GAB2: variants seen among roughly 807,000 people sequenced by gnomAD.
GAB2 encodes the protein GRB2 associated binding protein 2.
GAB2 carries 26 observed loss-of-function variants against 65.5 expected under a neutral mutation model. That is an observed-to-expected ratio of 0.40 (90% CI 0.29 to 0.55). The LOEUF (loss-of-function observed/expected upper bound fraction) is 0.55. Among genes scored for constraint, GAB2 ranks in the 20% least tolerant of loss-of-function variants. The pLI is 0.53. For synonymous variants in GAB2, 321 were observed against 329.6 expected (o/e 0.97, Z 0.28); for missense variants, 884 against 875.8 (o/e 1.01, Z -0.12).
chr11:78,350,010 C>T (rs960116032), intron 1 of GAB2, among the ~76,000 whole-genome samples: 13 of 152,060 alleles, frequency 8.5e-5, no homozygotes, highest in South Asian at 4.2e-4. Context: ...AAATTGCACA[C>T]GTCCTCATTC....
intron 1 of GAB2, among the ~76,000 whole-genome samples, chr11:78,317,868 G>C (rs1478721600): frequency 6.8e-6 from 1 of 147,222 alleles, no homozygotes; most frequent in Non-Finnish European, 1.5e-5. Context: ...ACAAGAAAAA[G>C]AAGAAGAAGA....
intron 1 of GAB2, among the ~76,000 whole-genome samples, chr11:78,405,613 C>T (rs767415146): frequency 6.6e-6 from 1 of 152,164 alleles, no homozygotes; most frequent in Non-Finnish European, 1.5e-5. Flanking sequence ...ATGGAATAGA[C>T]ATACTTTTCC....
intron 2 of GAB2, among the ~76,000 whole-genome samples, chr11:78,269,836 G>A (rs980815991): frequency 6.6e-6 from 1 of 152,222 alleles, no homozygotes; most frequent in Non-Finnish European, 1.5e-5. Flanking sequence ...CATAAGATTA[G>A]ACATGTGACT....
rs1375147098 is a variant in GAB2, at chr11:78,415,294, T to C, written c.75+2352A>G. 3.3e-5 allele frequency among the ~76,000 whole-genome samples: 5 copies of C among 152,216 alleles called. 1 individual carries two copies. Among genetic ancestry groups the C allele is most frequent in the Non-Finnish European group, 7.3e-5 (5 of 68,040 alleles). On this transcript the variant is annotated intron_variant, in intron 1 of 9. Coordinates refer to ENST00000361507, the MANE Select transcript of GAB2 (RefSeq NM_080491.3). ...AATGAGGATTTCTCAATCTACAATATAACACGCCTATGATGTATACCAGAA... is the reference window on the plus strand; with the variant it reads ...AATGAGGATTTCTCAATCTACAATACAACACGCCTATGATGTATACCAGAA...
chr11:78,225,377 C>T (rs1328416487), intron 4 of GAB2, among the ~76,000 whole-genome samples, 175 bp from the exon 5 acceptor site: 1 of 152,192 alleles, frequency 6.6e-6, no homozygotes, highest in East Asian at 1.9e-4. Context: ...AAAATTCCTC[C>T]TGGGCTTCTA....
chr11:78,398,626 AAT>A (rs1425562880), intron 1 of GAB2, among the ~76,000 whole-genome samples: 1 of 152,156 alleles, frequency 6.6e-6, no homozygotes, highest in African/African-American at 2.4e-5. Flanking sequence ...AAAAATTCAC[AAT>A]GTTATAATAA....
At chr11:78,276,888 G>A (rs1866187489) in intron 2 of GAB2, among the ~76,000 whole-genome samples, 1 of 152,128 alleles carries the variant, frequency 6.6e-6, no homozygotes, top group Non-Finnish European at 1.5e-5. Context: ...CACAATCTCG[G>A]CTCACTACAA....
At chr11:78,369,796 A>AT (rs1457846441) in intron 1 of GAB2, among the ~76,000 whole-genome samples, 4 of 152,214 alleles carry the variant, frequency 2.6e-5, no homozygotes, top group African/African-American at 9.6e-5. Context: ...TACTATAAAG[A>AT]TAATGAGAAA....
chr11:78,257,469 T>C (rs2134538526), intron 2 of GAB2, among the ~76,000 whole-genome samples: 1 of 152,348 alleles, frequency 6.6e-6, no homozygotes, highest in Non-Finnish European at 1.5e-5. Context: ...TTTTTAATTC[T>C]CACTTGTTCA....
intron 5 of GAB2, 36 bp downstream of exon 5, chr11:78,225,072 G>T (rs769280460): frequency 3.1e-5 from 42 of 1,360,332 alleles, no homozygotes; most frequent in East Asian, 9.2e-5. Flanking sequence ...ACCTAACCAG[G>T]CCGGCCTGAG....
intron 1 of GAB2, among the ~76,000 whole-genome samples, chr11:78,327,373 A>T (rs544664785): frequency 8.5e-5 from 13 of 152,346 alleles, no homozygotes; most frequent in African/African-American, 2.6e-4. Context: ...GGAGGAGGAA[A>T]GTAATCAAGA....
chr11:78,282,719 T>C (rs539264482), intron 1 of GAB2, among the ~76,000 whole-genome samples: 5 of 152,294 alleles, frequency 3.3e-5, no homozygotes, highest in Admixed American at 2.0e-4. Flanking sequence ...AGGGTTATTA[T>C]GTGAGCCCAA....
chr11:78,313,574 C>T (rs990434179), intron 1 of GAB2, among the ~76,000 whole-genome samples: 1 of 152,164 alleles, frequency 6.6e-6, no homozygotes, highest in African/African-American at 2.4e-5. Flanking sequence ...TCAGTTTCTC[C>T]ACCCCTCCAA....
chr11:78,413,198 G>A (rs1036178005), intron 1 of GAB2, among the ~76,000 whole-genome samples: 2 of 152,206 alleles, frequency 1.3e-5, no homozygotes, highest in Admixed American at 1.3e-4. Context: ...ACAACTCTGA[G>A]ATGGAAATTT....
intron 1 of GAB2, among the ~76,000 whole-genome samples, chr11:78,374,374 A>C (rs1856607624): frequency 6.6e-6 from 1 of 152,200 alleles, no homozygotes; most frequent in South Asian, 2.1e-4. Context: ...ACTCATTATA[A>C]AACTATGTCT....
intron 1 of GAB2, among the ~76,000 whole-genome samples, chr11:78,381,081 C>T (rs114339835): frequency 0.016 from 2,427 of 152,232 alleles, 61 homozygotes; most frequent in African/African-American, 0.055. Flanking sequence ...TCTACTTAAT[C>T]GTATTTTCTG....
chr11:78,408,816 T>A (rs1857088573), intron 1 of GAB2, among the ~76,000 whole-genome samples: 1 of 152,184 alleles, frequency 6.6e-6, no homozygotes, highest in South Asian at 2.1e-4. Flanking sequence ...TTCCTCCTGC[T>A]CCAGCCATGT....
chr11:78,309,702 A>G (rs534429705), intron 1 of GAB2, among the ~76,000 whole-genome samples: 5 of 152,214 alleles, frequency 3.3e-5, no homozygotes, highest in South Asian at 2.1e-4. Flanking sequence ...CAGCAGTTCA[A>G]TCCCCAAGAT....
chr11:78,400,864 A>T (rs912142285), intron 1 of GAB2, among the ~76,000 whole-genome samples: 2 of 131,984 alleles, frequency 1.5e-5, no homozygotes, highest in African/African-American at 2.8e-5. Flanking sequence ...AGACTGTGCC[A>T]CTGCACTCCA....
Sources: allele counts gnomAD v4.1 joint callset (sites outside exome capture counted in the v4.1 genomes callset), GRCh38; gene constraint gnomAD v4.1.1; transcripts MANE v1.5; gene names NCBI Gene and HGNC (gene_info 2026-07-23, HGNC 2026-07-21).